Variants in PPFIA2 observed in about 807,000 individuals in gnomAD.
PPFIA2 encodes liprin-alpha-2.
Under a neutral mutation model 175.5 loss-of-function variants are expected in PPFIA2, and 46 were observed. The observed-to-expected ratio is 0.26, with a 90% CI of 0.21 to 0.34. The LOEUF (loss-of-function observed/expected upper bound fraction) is 0.34, where lower values mean the gene tolerates loss of function less well. Ranked by LOEUF, PPFIA2 falls within the 10% of genes least tolerant of loss-of-function variation. The probability of loss-of-function intolerance (pLI) is 1.00; values close to 1 mark genes in which losing one functional copy is unlikely to be tolerated. For missense variants in PPFIA2, 1,179 were observed against 1,506.1 expected, an observed-to-expected ratio of 0.78 and a Z score of 3.60; for synonymous variants, 568 against 511.4, an observed-to-expected ratio of 1.11 and a Z score of -1.49.
chr12:81,718,798 G>A (rs1044393732), intron 3 of PPFIA2, among the ~76,000 whole-genome samples: 2 of 151,630 alleles, frequency 1.3e-5, no homozygotes, highest in Non-Finnish European at 3.0e-5. Context: ...AAAACTGTGA[G>A]AGGATGAGAG....
chr12:81,373,105 C>A (rs2035571372), intron 11 of PPFIA2, among the ~76,000 whole-genome samples: 1 of 151,594 alleles, frequency 6.6e-6, no homozygotes, highest in East Asian at 1.9e-4. Flanking sequence ...TATTCTCAGT[C>A]TATCAAAGGT....
At chr12:81,704,871 G>A (rs1364729374) in intron 3 of PPFIA2, among the ~76,000 whole-genome samples, 2 of 150,788 alleles carry the variant, frequency 1.3e-5, no homozygotes, top group South Asian at 4.2e-4. Flanking sequence ...ATCACCTGAG[G>A]TCAGGAGTTT....
rs557477852 is a variant in PPFIA2 at position 81,687,182 on chromosome 12, A to G, written c.250-10338T>C. On this transcript the variant is annotated intron_variant, in intron 3 of 32. Coordinates refer to ENST00000549396, the MANE Select transcript of PPFIA2 (RefSeq NM_003625.5). ...GGTTACTTCTGTACTCAAAATACTT[A>G]AGTAAGGTCCCCATTCCCAGGAAGG... Among the ~76,000 whole-genome samples the G allele has an allele frequency of 1.6e-4, 24 of 152,136 alleles. No homozygotes were observed. In the South Asian group the frequency reaches 4.1e-3, roughly 26 times the overall value.
intron 28 of PPFIA2, among the ~76,000 whole-genome samples, chr12:81,276,479 C>T (rs2040565121): frequency 6.6e-6 from 1 of 152,046 alleles, no homozygotes; most frequent in Admixed American, 6.6e-5. Flanking sequence ...TCAACAACAA[C>T]AATAATAAAA....
intron 4 of PPFIA2, chr12:81,598,368 T>C (rs1306174455): frequency 9.1e-7 from 1 of 1,095,010 alleles, no homozygotes; most frequent in Non-Finnish European, 1.1e-6. Flanking sequence ...GCCCATCTGT[T>C]CTCAGTGATA....
At position 81,601,043 on chromosome 12, in the gene PPFIA2, T is replaced by C. The variant is rs530149130; in HGVS notation, c.303+75748A>G. Among the ~76,000 whole-genome samples the C allele has an allele frequency of 7.4e-4, 113 of 152,078 alleles. 3 individuals are homozygous for C. In the South Asian group the frequency reaches 0.023, roughly 30 times the overall value. ...GCTGCATTTGCATCAGCCAGAAAAC[T>C]ATTTTATTTTAGCTGGGAATTATGA... is the stretch of plus-strand genomic sequence containing the variant. On this transcript the variant is annotated intron_variant, in intron 4 of 32. Coordinates refer to ENST00000549396, the MANE Select transcript of PPFIA2 (RefSeq NM_003625.5).
Position 81,267,012 on chromosome 12 carries a change from C to T in PPFIA2, c.3495G>A (p.Gln1165=), listed in dbSNP as rs1299521866. Residue 1165 remains glutamine, a synonymous_variant, in exon 30 of 33, where the codon CAG becomes CAA. Coordinates refer to ENST00000549396, the MANE Select transcript of PPFIA2 (RefSeq NM_003625.5). ...QIPTQNTQAR[Q]ILEREYNNLL... is the part of the protein sequence containing the mutation. ...GGTTATTGTATTCTCTTTCAAGAAT[C>T]TGCCTTGCCTGTTGACGTCAAATTA... 6.2e-7 allele frequency: 1 copy of T among 1,612,468 alleles called. No homozygotes were observed. Among genetic ancestry groups the T allele is most frequent in the Admixed American group, 1.7e-5 (1 of 59,918 alleles).
Position 81,494,338 on chromosome 12 carries a change from A to G in PPFIA2, c.304-36472T>C, listed in dbSNP as rs188286015. ...CATTTATGCAGTCAAAAAACACATG[A>G]AAAAATGCTCACCATCACTGGCCAT... On this transcript the variant is annotated intron_variant, in intron 4 of 32. Transcript: ENST00000549396. Among the ~76,000 whole-genome samples, 1,294 of 152,296 alleles carry G rather than the reference A, an allele frequency of 8.5e-3. 6 individuals are homozygous for G. Among genetic ancestry groups the G allele is most frequent in the Admixed American group, 0.013 (198 of 15,288 alleles).
At chr12:81,498,621 A>ATTAT (rs752470863) in intron 4 of PPFIA2, among the ~76,000 whole-genome samples, 5 of 151,924 alleles carry the variant, frequency 3.3e-5, no homozygotes, top group African/African-American at 9.6e-5. Flanking sequence ...TTATTTATTC[A>ATTAT]TTATTTATTT....
chr12:81,325,833 G>C lies in PPFIA2; in HGVS notation c.2586C>G (p.Ser862=). The change falls in exon 22 of 33, where the codon TCC becomes TCG. Residue 862 remains serine (S), a synonymous_variant. Coordinates refer to ENST00000549396, the MANE Select transcript of PPFIA2 (RefSeq NM_003625.5). Reference sequence around the variant, plus strand: ...GAGTTCCGAGTTTGCCTAACCCCAGGGACTCCTGAGCTGCAGCTTCAGTCT... The same window carrying C: ...GAGTTCCGAGTTTGCCTAACCCCAGCGACTCCTGAGCTGCAGCTTCAGTCT... ...FMETEAAAQE[S]LGLGKLGTQA... 6.2e-7 allele frequency: 1 copy of C among 1,612,564 alleles called. No homozygotes were observed. The highest frequency in any genetic ancestry group is 8.5e-7 in the Non-Finnish European group (1 of 1,179,026).
intron 7 of PPFIA2, among the ~76,000 whole-genome samples, chr12:81,421,818 CAT>C (rs2046292479): frequency 6.6e-6 from 1 of 151,660 alleles, no homozygotes; most frequent in African/African-American, 2.4e-5. Flanking sequence ...ACTCATTTTA[CAT>C]ATAAAGACAC....
intron 5 of PPFIA2, among the ~76,000 whole-genome samples, chr12:81,455,919 T>C (rs2053496537): frequency 6.6e-6 from 1 of 152,176 alleles, no homozygotes; most frequent in African/African-American, 2.4e-5. Context: ...GAGATAATTA[T>C]AACATCTCCA....
At chr12:81,740,987 T>A (rs1597096356) in intron 3 of PPFIA2, among the ~76,000 whole-genome samples, 1 of 6,446 alleles carries the variant, frequency 1.6e-4, no homozygotes, top group African/African-American at 1.8e-4. Flanking sequence ...ATTCATACAC[T>A]TTTTTTTGTG....
intron 4 of PPFIA2, among the ~76,000 whole-genome samples, chr12:81,594,311 C>T (rs983601476): frequency 2.0e-5 from 3 of 152,094 alleles, no homozygotes; most frequent in African/African-American, 7.2e-5. Flanking sequence ...GTTTCTTTCT[C>T]TTGTTTTCAG....
intron 3 of PPFIA2, among the ~76,000 whole-genome samples, chr12:81,680,231 T>TA (rs1409396502): frequency 6.6e-6 from 1 of 152,026 alleles, no homozygotes; most frequent in African/African-American, 2.4e-5. Flanking sequence ...TCATCATTTG[T>TA]ATCTAATAGA....
intron 4 of PPFIA2, among the ~76,000 whole-genome samples, chr12:81,634,574 C>G (rs529892600): frequency 3.3e-5 from 5 of 151,932 alleles, no homozygotes; most frequent in Admixed American, 3.3e-4. Flanking sequence ...GTTCATCACA[C>G]CAGAGGCTTC....
chr12:81,513,662 G>T (rs2062060176), intron 4 of PPFIA2, among the ~76,000 whole-genome samples: 1 of 151,936 alleles, frequency 6.6e-6, no homozygotes, highest in Non-Finnish European at 1.5e-5. Context: ...ATTAATATTT[G>T]TGTAACAGTT....
intron 4 of PPFIA2, among the ~76,000 whole-genome samples, chr12:81,576,680 C>T (rs1325572704): frequency 5.3e-5 from 8 of 151,812 alleles, no homozygotes; most frequent in Admixed American, 4.6e-4. Flanking sequence ...CTTTAGAATG[C>T]ATACAAATTT....
Position 81,284,319 on chromosome 12 carries a change from AG to A in PPFIA2, c.2926-17del. Reference sequence around the variant, plus strand: ...TGCCTGAAGGCTAGTGAGGAGGCCCAGAGGGAAGCAGAGGAATCCATGGGAG... The same window carrying A: ...TGCCTGAAGGCTAGTGAGGAGGCCCAAGGGAAGCAGAGGAATCCATGGGAG... On this transcript the variant is annotated splice_polypyrimidine_tract_variant and intron_variant, in intron 24 of 32. Transcript: ENST00000549396. The A allele has an allele frequency of 6.5e-7, 1 of 1,534,588 alleles. No homozygotes were observed. The highest frequency in any genetic ancestry group is 1.2e-5 in the South Asian group (1 of 86,672).
Sources: allele counts gnomAD v4.1 joint callset (sites outside exome capture counted in the v4.1 genomes callset), GRCh38; gene constraint gnomAD v4.1.1; transcripts MANE v1.5; gene names NCBI Gene and HGNC (gene_info 2026-07-23, HGNC 2026-07-21).